Variants in ASAP2 observed in about 807,000 individuals in gnomAD.
ASAP2 encodes the protein ArfGAP with SH3 domain, ankyrin repeat and PH domain 2.
ASAP2 carries 45 observed loss-of-function variants against 131.4 expected under a neutral mutation model. The ratio of observed to expected loss-of-function variants is 0.34; its 90% CI spans 0.27 to 0.44. The LOEUF is 0.44. ASAP2 is among the 20% of genes least tolerant of loss of function. The pLI is 1.00. For missense variants in ASAP2, 1,011 were observed against 1,297.0 expected (o/e 0.78, Z 3.39); for synonymous variants, 510 against 503.0 (o/e 1.01, Z -0.19).
At chr2:9,280,940 C>T (rs977531062) in intron 2 of ASAP2, among the ~76,000 whole-genome samples, 8 of 152,200 alleles carry the variant, frequency 5.3e-5, no homozygotes, top group Non-Finnish European at 1.0e-4. Flanking sequence ...GATGTCTGTG[C>T]AGCTGGAGCT....
intron 3 of ASAP2, among the ~76,000 whole-genome samples, chr2:9,297,960 C>T (rs1203068971): frequency 2.0e-5 from 3 of 150,698 alleles, no homozygotes; most frequent in African/African-American, 4.8e-5. Context: ...CGTGGGAATG[C>T]GGTGCTGGTG....
At chr2:9,222,502 A>G (rs755947220) in intron 1 of ASAP2, among the ~76,000 whole-genome samples, 2 of 152,194 alleles carry the variant, frequency 1.3e-5, no homozygotes, top group Non-Finnish European at 2.9e-5. Flanking sequence ...TTCTATCAAC[A>G]TTGCCTTGAT....
intron 3 of ASAP2, among the ~76,000 whole-genome samples, chr2:9,316,794 C>A (rs983410813): frequency 1.3e-5 from 2 of 152,050 alleles, no homozygotes; most frequent in Non-Finnish European, 2.9e-5. Context: ...CCAATTTAAT[C>A]CATGCGGACG....
chr2:9,341,670 T>C (rs1671586395), intron 9 of ASAP2, among the ~76,000 whole-genome samples: 1 of 152,220 alleles, frequency 6.6e-6, no homozygotes, highest in African/African-American at 2.4e-5. Context: ...AGGTTTATTT[T>C]TAGTCTTTCA....
chr2:9,264,928 C>G (rs570462272), intron 1 of ASAP2, among the ~76,000 whole-genome samples: 2 of 152,210 alleles, frequency 1.3e-5, no homozygotes, highest in South Asian at 4.1e-4. Context: ...CACTTGAGCC[C>G]AGGAGTTTGA....
intron 1 of ASAP2, among the ~76,000 whole-genome samples, chr2:9,260,913 T>A (rs1665533220): frequency 6.6e-6 from 1 of 152,186 alleles, no homozygotes; most frequent in Non-Finnish European, 1.5e-5. Flanking sequence ...CTTCAGAAGA[T>A]TCTGAAACAA....
At chr2:9,240,722 G>C (rs1369295140) in intron 1 of ASAP2, among the ~76,000 whole-genome samples, 5 of 152,160 alleles carry the variant, frequency 3.3e-5, no homozygotes. Flanking sequence ...CTCAGCATAG[G>C]AATTTTTCCT....
intron 1 of ASAP2, among the ~76,000 whole-genome samples, chr2:9,218,860 G>A (rs1377427641): frequency 6.6e-6 from 1 of 152,094 alleles, no homozygotes; most frequent in Non-Finnish European, 1.5e-5. Flanking sequence ...CAAGAAGTTA[G>A]AGCTAAGAGT....
chr2:9,283,574 G>A (rs1218542297), intron 2 of ASAP2, among the ~76,000 whole-genome samples: 2 of 152,154 alleles, frequency 1.3e-5, no homozygotes, highest in African/African-American at 4.8e-5. Flanking sequence ...TTCAAAGCTG[G>A]TCATGGCCGG....
At chr2:9,359,812 T>G (rs1018228746) in intron 15 of ASAP2, among the ~76,000 whole-genome samples, 17 of 152,192 alleles carry the variant, frequency 1.1e-4, no homozygotes, top group Admixed American at 3.9e-4. Context: ...TTTCCAGTCT[T>G]TCTAGGAATT....
At chr2:9,254,775 G>A (rs970443807) in intron 1 of ASAP2, among the ~76,000 whole-genome samples, 38 of 151,816 alleles carry the variant, frequency 2.5e-4, no homozygotes, top group African/African-American at 8.9e-4. Context: ...TGGGAGTCTT[G>A]GAATGTATTC....
chr2:9,292,186 A>G (rs934038397), intron 2 of ASAP2, among the ~76,000 whole-genome samples: 12 of 152,034 alleles, frequency 7.9e-5, no homozygotes, highest in African/African-American at 2.4e-4. Flanking sequence ...GGACAATGAG[A>G]CCTGTGCTGC....
At chr2:9,275,087 T>TTTTG (rs1014722888) in intron 1 of ASAP2, among the ~76,000 whole-genome samples, 4 of 150,272 alleles carry the variant, frequency 2.7e-5, no homozygotes, top group African/African-American at 9.8e-5. Context: ...TGTCTGTTTT[T>TTTTG]TTTTTTTTTT....
chr2:9,336,893 C>T (rs1383467739), intron 9 of ASAP2, among the ~76,000 whole-genome samples: 1 of 152,230 alleles, frequency 6.6e-6, no homozygotes, highest in Non-Finnish European at 1.5e-5. Flanking sequence ...GAAGATCCAA[C>T]CCATGAAGCA....
intron 1 of ASAP2, among the ~76,000 whole-genome samples, chr2:9,208,833 A>G (rs944846941): frequency 2.0e-5 from 3 of 152,238 alleles, no homozygotes; most frequent in African/African-American, 7.2e-5. Flanking sequence ...AGGTAGCTGA[A>G]TATTTCTTAA....
intron 2 of ASAP2, among the ~76,000 whole-genome samples, chr2:9,284,547 C>T (rs1473206537): frequency 6.6e-6 from 1 of 152,192 alleles, no homozygotes. Flanking sequence ...TTCTGAGCCT[C>T]AATTTCCTCA....
At chr2:9,303,625 A>T (rs1425355050) in intron 3 of ASAP2, among the ~76,000 whole-genome samples, 2 of 152,216 alleles carry the variant, frequency 1.3e-5, no homozygotes, top group Non-Finnish European at 2.9e-5. Flanking sequence ...GAAATTCCTT[A>T]TCTAAGACCC....
intron 1 of ASAP2, among the ~76,000 whole-genome samples, chr2:9,236,050 A>T (rs988276943): frequency 6.6e-6 from 1 of 152,170 alleles, no homozygotes; most frequent in African/African-American, 2.4e-5. Context: ...ACCACAAAGA[A>T]GTACCTTGTC....
intron 1 of ASAP2, among the ~76,000 whole-genome samples, chr2:9,273,465 A>T (rs1255252445): frequency 1.3e-5 from 2 of 152,254 alleles, no homozygotes; most frequent in South Asian, 4.1e-4. Flanking sequence ...GCTGCTGCCT[A>T]GACCAAGCTG....
Sources: gnomAD v4.1 joint callset for allele counts (sites outside exome capture counted in the v4.1 genomes callset) on GRCh38, gnomAD v4.1.1 for gene constraint, MANE v1.5 for transcripts, NCBI Gene and HGNC (gene_info 2026-07-23, HGNC 2026-07-21) for gene names.